Variants in FNDC3B observed in about 807,000 individuals in gnomAD.
FNDC3B encodes the protein fibronectin type III domain containing 3B.
In FNDC3B, 12 loss-of-function variants were observed where a neutral mutation model predicts 151.5. That is an observed-to-expected ratio of 0.08 (90% CI 0.05 to 0.13). The LOEUF is 0.13. FNDC3B is among the 10% of genes least tolerant of loss of function. The pLI is 1.00. For synonymous variants in FNDC3B, 528 were observed against 549.0 expected (o/e 0.96, Z 0.54); for missense variants, 1,214 against 1,505.3 (o/e 0.81, Z 3.20).
At chr3:172,239,052 T>A (rs1034896257) in intron 4 of FNDC3B, among the ~76,000 whole-genome samples, 9 of 84,764 alleles carry the variant, frequency 1.1e-4, no homozygotes, top group East Asian at 5.3e-4. Context: ...ATAATTAATT[T>A]ATTTTTTTTT....
At chr3:172,183,491 G>T (rs940334563) in intron 3 of FNDC3B, among the ~76,000 whole-genome samples, 1 of 152,170 alleles carries the variant, frequency 6.6e-6, no homozygotes, top group Non-Finnish European at 1.5e-5. Flanking sequence ...ATTTCTGGTT[G>T]TTGTTGGAAA....
chr3:172,173,837 G>A lies in FNDC3B; in HGVS notation c.187+40291G>A, dbSNP rs73880116. Among the ~76,000 whole-genome samples, 759 of 151,814 alleles carry A rather than the reference G, an allele frequency of 5.0e-3. 16 individuals carry two copies. The highest frequency in any genetic ancestry group is 0.018 in the African/African-American group (725 of 41,400). On this transcript the variant is annotated intron_variant, in intron 3 of 25. Coordinates refer to ENST00000415807, the MANE Select transcript of FNDC3B (RefSeq NM_022763.4). Reference sequence around the variant, plus strand: ...CCTGTCTGGGGGAGGGGTGGGGCGCGGGGTGGGAAGCCTCCCGATGTCCTA... The same window carrying A: ...CCTGTCTGGGGGAGGGGTGGGGCGCAGGGTGGGAAGCCTCCCGATGTCCTA...
intron 9 of FNDC3B, among the ~76,000 whole-genome samples, chr3:172,304,367 G>A (rs1731085985): frequency 6.6e-6 from 1 of 152,210 alleles, no homozygotes; most frequent in South Asian, 2.1e-4. Context: ...TGATCTGCCT[G>A]GGTATACTTC....
rs138774696 is a variant in FNDC3B, at chr3:172,283,469, T to G, written c.791-2457T>G. Among the ~76,000 whole-genome samples, 61 of 152,326 alleles carry G rather than the reference T, an allele frequency of 4.0e-4. 2 individuals are homozygous for G. In the East Asian group the frequency reaches 0.01, roughly 26 times the overall value. On this transcript the variant is annotated intron_variant, in intron 6 of 25. Coordinates refer to ENST00000415807, the MANE Select transcript of FNDC3B (RefSeq NM_022763.4). ...ATCCCTTTAATTCTTCCCTTCCTTG[T>G]GTGTTGAGTAGGTGATCATCCCTGT...
chr3:172,190,190 A>G (rs1724430527), intron 3 of FNDC3B, among the ~76,000 whole-genome samples: 1 of 152,136 alleles, frequency 6.6e-6, no homozygotes. Context: ...GGTGCTTAAT[A>G]TGATGGGCAG....
intron 6 of FNDC3B, 152 bp downstream of exon 6, chr3:172,251,693 G>A: frequency 1.4e-6 from 1 of 695,820 alleles, no homozygotes; most frequent in Non-Finnish European, 2.2e-6. Flanking sequence ...CTATTTCTTG[G>A]TAAGGAAATA....
chr3:172,208,135 T>C (rs1307313586), intron 3 of FNDC3B, among the ~76,000 whole-genome samples: 1 of 152,220 alleles, frequency 6.6e-6, no homozygotes, highest in African/African-American at 2.4e-5. Context: ...CCTTTATTTT[T>C]TTCTTTCCTA....
At chr3:172,236,230 G>C (rs916832993) in intron 4 of FNDC3B, among the ~76,000 whole-genome samples, 5 of 152,136 alleles carry the variant, frequency 3.3e-5, no homozygotes, top group Non-Finnish European at 5.9e-5. Flanking sequence ...TTTGATTTTT[G>C]ATTTTTGAAT....
At chr3:172,156,964 A>C (rs376251579) in intron 3 of FNDC3B, among the ~76,000 whole-genome samples, 24 of 152,244 alleles carry the variant, frequency 1.6e-4, no homozygotes, top group African/African-American at 5.5e-4. Context: ...TTAAGTATAA[A>C]CCTAATATTG....
chr3:172,112,706 A>T, intron 2 of FNDC3B, 116 bp downstream of exon 2: 1 of 745,410 alleles, frequency 1.3e-6, no homozygotes. Context: ...GCATTTCTAG[A>T]GGTAAGTGTT....
chr3:172,222,631 A>C (rs1726335162), intron 3 of FNDC3B, among the ~76,000 whole-genome samples: 1 of 152,172 alleles, frequency 6.6e-6, no homozygotes, highest in Admixed American at 6.5e-5. Flanking sequence ...CATAAGGAGC[A>C]CACAGCCTAG....
At chr3:172,387,345 G>A (rs116803526) in intron 25 of FNDC3B, among the ~76,000 whole-genome samples, 2,108 of 152,040 alleles carry the variant, frequency 0.014, 45 homozygotes, top group African/African-American at 0.048. Flanking sequence ...TGATCCACCC[G>A]CCTCACCCTC....
chr3:172,070,908 A>G lies in FNDC3B; in HGVS notation c.-29+31137A>G, dbSNP rs549976669. ...TTCAGATAAGTTCTTTCGGAAATAT[A>G]TTTTCATCTAATTTAAAACAAAAAG... On this transcript the variant is annotated intron_variant, in intron 1 of 25. Coordinates refer to ENST00000415807, the MANE Select transcript of FNDC3B (RefSeq NM_022763.4). Among the ~76,000 whole-genome samples, 3 of 152,246 alleles carry G rather than the reference A, an allele frequency of 2.0e-5. No individual in the cohort carries two copies. The South Asian group carries it at 6.2e-4, about 32-fold the overall frequency.
chr3:172,325,504 T>A (rs1330299568), intron 11 of FNDC3B, among the ~76,000 whole-genome samples: 1 of 152,232 alleles, frequency 6.6e-6, no homozygotes, highest in Non-Finnish European at 1.5e-5. Flanking sequence ...TTAGCTCTTT[T>A]CTTTTTTAAC....
chr3:172,079,768 G>T (rs1290411103), intron 1 of FNDC3B, among the ~76,000 whole-genome samples: 1 of 152,186 alleles, frequency 6.6e-6, no homozygotes, highest in Non-Finnish European at 1.5e-5. Context: ...TTACAAGTCT[G>T]CTTGTCATGA....
intron 3 of FNDC3B, chr3:172,186,942 C>T (rs1329298993): frequency 2.6e-5 from 14 of 529,504 alleles, no homozygotes; most frequent in African/African-American, 2.0e-5. Context: ...ATTTTATTTT[C>T]TATACTAGCT....
At chr3:172,369,491 T>C (rs1022776315) in intron 23 of FNDC3B, among the ~76,000 whole-genome samples, 1 of 152,180 alleles carries the variant, frequency 6.6e-6, no homozygotes, top group Admixed American at 6.5e-5. Flanking sequence ...TTTATTCCTT[T>C]ATTCTTTGTA....
intron 6 of FNDC3B, among the ~76,000 whole-genome samples, chr3:172,262,884 G>A (rs1728720390): frequency 9.8e-6 from 1 of 101,772 alleles, no homozygotes; most frequent in African/African-American, 4.4e-5. Flanking sequence ...ATGACAGAGT[G>A]AGACCGACTC....
At chr3:172,250,807 T>C (rs533413713) in intron 5 of FNDC3B, among the ~76,000 whole-genome samples, 1 of 152,296 alleles carries the variant, frequency 6.6e-6, no homozygotes, top group African/African-American at 2.4e-5. Context: ...ATCATGTATA[T>C]GGCATTTTCT....
Sources: allele counts gnomAD v4.1 joint callset (sites outside exome capture counted in the v4.1 genomes callset), GRCh38; gene constraint gnomAD v4.1.1; transcripts MANE v1.5; gene names NCBI Gene and HGNC (gene_info 2026-07-23, HGNC 2026-07-21).